The following BAIAP2 variants were observed in gnomAD, a reference collection of about 807,000 sequenced individuals.
BAIAP2 encodes the protein BAR/IMD domain containing adaptor protein 2, also known as BAR/IMD domain-containing adapter protein 2.
BAIAP2 carries 18 observed loss-of-function variants against 63.0 expected under a neutral mutation model. That is an observed-to-expected ratio of 0.29 (90% CI 0.20 to 0.42). BAIAP2 has a LOEUF of 0.42. BAIAP2 is among the 10% of genes least tolerant of loss of function. The pLI is 1.00. For synonymous variants in BAIAP2, 386 were observed against 307.6 expected (o/e 1.25, Z -2.67); for missense variants, 610 against 734.3 (o/e 0.83, Z 1.96).
At chr17:81,064,628 G>A (rs2051145984) in intron 3 of BAIAP2, among the ~76,000 whole-genome samples, 1 of 152,170 alleles carries the variant, frequency 6.6e-6, no homozygotes, top group South Asian at 2.1e-4. Flanking sequence ...TGAGCAGCTG[G>A]GGCTGCCCCT....
At chr17:81,102,773 C>T (rs557786577) in intron 7 of BAIAP2, among the ~76,000 whole-genome samples, 1 of 152,294 alleles carries the variant, frequency 6.6e-6, no homozygotes, top group East Asian at 1.9e-4. Context: ...CCAGAGGTGC[C>T]AGAGACATAG....
At chr17:81,074,887 C>T (rs1462763992) in intron 3 of BAIAP2, among the ~76,000 whole-genome samples, 1 of 152,222 alleles carries the variant, frequency 6.6e-6, no homozygotes, top group Non-Finnish European at 1.5e-5. Context: ...CAGGGAACCT[C>T]GGCGAAGTGA....
intron 3 of BAIAP2, among the ~76,000 whole-genome samples, chr17:81,077,669 C>A (rs540474083): frequency 6.6e-6 from 1 of 152,236 alleles, no homozygotes; most frequent in African/African-American, 2.4e-5. Context: ...GCTTCCCGCC[C>A]GTCCTGAGGC....
chr17:81,067,136 C>T (rs553884257), intron 3 of BAIAP2, among the ~76,000 whole-genome samples: 3 of 152,352 alleles, frequency 2.0e-5, no homozygotes, highest in African/African-American at 4.8e-5. Flanking sequence ...AGAGCCCAAC[C>T]GCTTGCTCCG....
intron 3 of BAIAP2, among the ~76,000 whole-genome samples, chr17:81,080,031 C>T (rs774336100): frequency 2.0e-5 from 3 of 152,198 alleles, no homozygotes; most frequent in Non-Finnish European, 2.9e-5. Context: ...CTCGCTACTC[C>T]GTCTTCAGGC....
At chr17:81,089,105 T>A (rs1175160929) in intron 6 of BAIAP2, among the ~76,000 whole-genome samples, 2 of 152,258 alleles carry the variant, frequency 1.3e-5, no homozygotes, top group Non-Finnish European at 2.9e-5. Context: ...CTCCCGAGGC[T>A]GTGTGTGCAC....
At chr17:81,078,480 C>T (rs1473651698) in intron 3 of BAIAP2, among the ~76,000 whole-genome samples, 11 of 116,970 alleles carry the variant, frequency 9.4e-5, no homozygotes, top group Admixed American at 9.5e-5. Flanking sequence ...GGGAGCCGGG[C>T]GCTGTGGGTG....
chr17:81,099,205 CTT>C (rs1197596028), intron 6 of BAIAP2, among the ~76,000 whole-genome samples: 1 of 151,714 alleles, frequency 6.6e-6, no homozygotes, highest in Non-Finnish European at 1.5e-5. Context: ...TCGGTGACCT[CTT>C]GTCTGATCCT....
rs2047769231 is a variant in BAIAP2 at position 81,046,124 on chromosome 17, A to AG, written c.55-7539dup. Among the ~76,000 whole-genome samples the AG allele has an allele frequency of 6.6e-6, 1 of 152,078 alleles. No individual in the cohort carries two copies. Among genetic ancestry groups the AG allele is most frequent in the African/African-American group, 2.4e-5 (1 of 41,410 alleles). On this transcript the variant is annotated intron_variant, in intron 1 of 13. Coordinates refer to ENST00000428708, the MANE Select transcript of BAIAP2 (RefSeq NM_001144888.2). This position sits in a 1 kb window ranked among gnomAD's most constrained non-coding sequence, Gnocchi z 4.5. ...TGCCGGCTCCTGCACGCCCAGCTGC[A>AG]GGGGGTAAGGAGGAGGATGGTGTCT...
intron 1 of BAIAP2, among the ~76,000 whole-genome samples, chr17:81,050,927 C>T (rs1001532558): frequency 3.3e-5 from 5 of 151,946 alleles, no homozygotes; most frequent in South Asian, 2.1e-4. Context: ...CCGCCTTCAC[C>T]GCCAGTCCCG....
chr17:81,108,092 G>A (rs896459549), intron 12 of BAIAP2: 16 of 298,400 alleles, frequency 5.4e-5, no homozygotes, highest in East Asian at 7.3e-5. Flanking sequence ...ACAAGCAGGC[G>A]GAGGAGTCCC....
At chr17:81,104,997 G>T (rs1395507733) in intron 10 of BAIAP2, 1 of 363,680 alleles carries the variant, frequency 2.7e-6, no homozygotes, top group South Asian at 3.7e-5. Context: ...CCCCCCAACG[G>T]CAGGGATCTC....
chr17:81,070,096 C>T (rs770189517), intron 3 of BAIAP2, among the ~76,000 whole-genome samples: 1 of 152,186 alleles, frequency 6.6e-6, no homozygotes, highest in Non-Finnish European at 1.5e-5. Context: ...GTAGCCAGGA[C>T]TACAGGTGTG....
chr17:81,073,412 T>TG (rs1384607779), intron 3 of BAIAP2, among the ~76,000 whole-genome samples: 1 of 152,174 alleles, frequency 6.6e-6, no homozygotes, highest in Non-Finnish European at 1.5e-5. Context: ...GCCTTCTTCC[T>TG]GGGAGCAGTC....
chr17:81,077,028 A>C (rs1425664541), intron 3 of BAIAP2, among the ~76,000 whole-genome samples: 1 of 152,124 alleles, frequency 6.6e-6, no homozygotes, highest in East Asian at 1.9e-4. Context: ...GCTTGAAGAC[A>C]TTGTGCCCAG....
intron 1 of BAIAP2, among the ~76,000 whole-genome samples, chr17:81,035,665 A>G (rs2046132830): frequency 6.6e-6 from 1 of 151,492 alleles, no homozygotes; most frequent in South Asian, 2.1e-4. Flanking sequence ...GGGCCCCGGA[A>G]GCCCTCGGAC....
chr17:81,111,355 GGT>G (rs758998982), intron 13 of BAIAP2, among the ~76,000 whole-genome samples: 9 of 152,256 alleles, frequency 5.9e-5, no homozygotes, highest in Non-Finnish European at 1.2e-4. Context: ...GGCTCCTTCG[GGT>G]GTGTGTGCCT....
chr17:81,045,861 GC>G (rs2047726463), intron 1 of BAIAP2, among the ~76,000 whole-genome samples: 1 of 152,160 alleles, frequency 6.6e-6, no homozygotes, highest in Non-Finnish European at 1.5e-5. Flanking sequence ...AAGCCTAGTG[GC>G]CCCTCCTGAC....
rs542757089 is a variant in BAIAP2, at chr17:81,065,773, G to A, written c.217+7806G>A. 5.3e-5 allele frequency among the ~76,000 whole-genome samples: 8 copies of A among 152,354 alleles called. No individual in the cohort carries two copies. The South Asian group carries it at 1.7e-3, about 32-fold the overall frequency. On this transcript the variant is annotated intron_variant, in intron 3 of 13. Transcript: ENST00000428708. ...CAGTGACCTGGGGTCCTGGTACAAC[G>A]TGTACACCTGGGCAGGTGGCTCTAG...
Sources: gnomAD v4.1 joint callset for allele counts (sites outside exome capture counted in the v4.1 genomes callset) on GRCh38, gnomAD v4.1.1 for gene constraint, Gnocchi (gnomAD v3.1) non-coding constraint, MANE v1.5 for transcripts, NCBI Gene and HGNC (gene_info 2026-07-23, HGNC 2026-07-21) for gene names.